Variants in IQSEC1 observed in about 807,000 individuals in gnomAD.
IQSEC1 encodes IQ motif and Sec7 domain ArfGEF 1.
In IQSEC1, 31 loss-of-function variants were observed where a neutral mutation model predicts 91.0. The ratio of observed to expected loss-of-function variants is 0.34; its 90% CI spans 0.26 to 0.46. The LOEUF is 0.46. Among genes scored for constraint, IQSEC1 ranks in the 20% least tolerant of loss-of-function variants. The probability of loss-of-function intolerance (pLI) is 1.00; values close to 1 mark genes in which losing one functional copy is unlikely to be tolerated. For synonymous variants in IQSEC1, 699 were observed against 662.6 expected, an observed-to-expected ratio of 1.05 and a Z score of -0.84; for missense variants, 1,388 against 1,575.6, an observed-to-expected ratio of 0.88 and a Z score of 2.02.
intron 2 of IQSEC1, among the ~76,000 whole-genome samples, chr3:13,134,739 G>A (rs1465794827): frequency 2.0e-5 from 3 of 152,210 alleles, no homozygotes; most frequent in South Asian, 4.1e-4. Flanking sequence ...CCCCAGCCCA[G>A]CAGCAGGGCG....
intron 1 of IQSEC1, among the ~76,000 whole-genome samples, chr3:13,016,543 C>T (rs750911214): frequency 6.6e-5 from 10 of 152,182 alleles, no homozygotes; most frequent in Non-Finnish European, 1.2e-4. Context: ...CCTGCCACCA[C>T]GGGGACTGCT....
chr3:13,222,457 C>T (rs890563897), intron 1 of IQSEC1, among the ~76,000 whole-genome samples: 1 of 152,180 alleles, frequency 6.6e-6, no homozygotes, highest in Admixed American at 6.5e-5. Context: ...TGAGGCCTTG[C>T]TTTCAATTCT....
intron 2 of IQSEC1, among the ~76,000 whole-genome samples, chr3:13,107,064 T>C (rs1486086173): frequency 6.6e-6 from 1 of 152,206 alleles, no homozygotes; most frequent in Non-Finnish European, 1.5e-5. Flanking sequence ...ACCACAAAGC[T>C]GGCAGAACCC....
At chr3:13,108,082 C>A (rs1256084140) in intron 2 of IQSEC1, among the ~76,000 whole-genome samples, 2 of 152,250 alleles carry the variant, frequency 1.3e-5, no homozygotes, top group African/African-American at 4.8e-5. Context: ...CTGGAACCCA[C>A]CAGTCTACCT....
At chr3:13,048,029 G>A (rs923866864) in intron 1 of IQSEC1, among the ~76,000 whole-genome samples, 13 of 152,128 alleles carry the variant, frequency 8.5e-5, no homozygotes, top group African/African-American at 3.1e-4. Context: ...CCAGGAGCCT[G>A]GGTCCTGCCT....
chr3:12,977,050 C>A lies in IQSEC1; in HGVS notation c.24-35185G>T, dbSNP rs75509688. Among the ~76,000 whole-genome samples the A allele has an allele frequency of 4.9e-3, 751 of 152,250 alleles. 41 individuals carry two copies. The East Asian group carries it at 0.13, about 26-fold the overall frequency. On this transcript the variant is annotated intron_variant, in intron 1 of 13. Transcript: ENST00000613206. ...CTAAAGATTTTATTTAAAAAGGAGG[C>A]GTCAGGCTGGGCACAGCAGCTCATA... is the stretch of plus-strand genomic sequence containing the variant.
At chr3:13,006,910 G>A (rs1223768035) in intron 1 of IQSEC1, among the ~76,000 whole-genome samples, 1 of 152,248 alleles carries the variant, frequency 6.6e-6, no homozygotes, top group Non-Finnish European at 1.5e-5. Context: ...GACTGGCGGA[G>A]CCCCTGCAGC....
At chr3:13,176,339 G>T (rs564919676) in intron 1 of IQSEC1, among the ~76,000 whole-genome samples, 1 of 152,164 alleles carries the variant, frequency 6.6e-6, no homozygotes, top group Non-Finnish European at 1.5e-5. Flanking sequence ...CGGTTCGGGG[G>T]TCTTTAGTAA....
At chr3:13,278,205 G>A (rs1695725495) in intron 1 of IQSEC1, among the ~76,000 whole-genome samples, 1 of 152,134 alleles carries the variant, frequency 6.6e-6, no homozygotes, top group Admixed American at 6.5e-5. Flanking sequence ...GCACTTAAGG[G>A]CTGGAGGGGA....
At chr3:12,973,535 G>C (rs1701010326) in intron 1 of IQSEC1, among the ~76,000 whole-genome samples, 1 of 152,070 alleles carries the variant, frequency 6.6e-6, no homozygotes. Context: ...TGTGTAACTG[G>C]CCTGGTTCCA....
chr3:13,016,776 A>C (rs768385711), intron 1 of IQSEC1, among the ~76,000 whole-genome samples: 4 of 152,210 alleles, frequency 2.6e-5, no homozygotes, highest in Non-Finnish European at 4.4e-5. Context: ...CACACCATAC[A>C]ACTCACCCAT....
rs1289749657 is a variant in IQSEC1, at chr3:12,909,041, T to C, written c.2578+232A>G. Among the ~76,000 whole-genome samples, 2 of 152,182 alleles carry C rather than the reference T, an allele frequency of 1.3e-5. No homozygotes were observed. The highest frequency in any genetic ancestry group is 1.5e-5 in the Non-Finnish European group (1 of 68,020). On this transcript the variant is annotated intron_variant, in intron 11 of 13. Transcript: ENST00000613206. The surrounding 1 kb of genome is among the most constrained non-coding windows in gnomAD (Gnocchi z 4.9). ...ACGGGATGACCAGAGAGCCAGGGTC[T>C]TTTGATGGACATACAACAGGCAACA...
At chr3:12,906,061 T>C (rs1190463889) in intron 12 of IQSEC1, among the ~76,000 whole-genome samples, 1 of 152,164 alleles carries the variant, frequency 6.6e-6, no homozygotes, top group Non-Finnish European at 1.5e-5. Context: ...GCTTCTGCAG[T>C]CTCCTGAGGA....
At chr3:13,161,423 C>T (rs1311326704) in intron 2 of IQSEC1, among the ~76,000 whole-genome samples, 2 of 152,188 alleles carry the variant, frequency 1.3e-5, no homozygotes, top group Non-Finnish European at 2.9e-5. Flanking sequence ...ACGCAGACCC[C>T]GCACGGACAC....
chr3:12,959,811 G>A (rs1182427801), intron 1 of IQSEC1, among the ~76,000 whole-genome samples: 1 of 152,154 alleles, frequency 6.6e-6, no homozygotes, highest in Non-Finnish European at 1.5e-5. Flanking sequence ...ACTTTTGTAC[G>A]TTGCACATTT....
chr3:12,899,659 G>A lies in IQSEC1; in HGVS notation c.*1324C>T, dbSNP rs1408593800. ...CGGTGAGGACACAGGGGTTCTGCTA[G>A]CACATGGCTACATGGAATTACGGTG... is the stretch of plus-strand genomic sequence containing the variant. On this transcript the variant is annotated 3_prime_UTR_variant, in exon 14 of 14. Transcript: ENST00000613206. 1 of 985,314 alleles carries A rather than the reference G, an allele frequency of 1.0e-6. No individual in the cohort carries two copies. Among genetic ancestry groups the A allele is most frequent in the Non-Finnish European group, 1.2e-6 (1 of 829,942 alleles). 61.0% of individuals were successfully genotyped at this position (985,314 alleles called of 1,614,324 possible).
At chr3:13,238,140 G>A (rs1399063232) in intron 1 of IQSEC1, among the ~76,000 whole-genome samples, 1 of 152,166 alleles carries the variant, frequency 6.6e-6, no homozygotes, top group Admixed American at 6.5e-5. Context: ...TGGACTATTC[G>A]CACCTCCACG....
chr3:13,237,723 C>T (rs1208853179), intron 1 of IQSEC1, among the ~76,000 whole-genome samples: 1 of 152,242 alleles, frequency 6.6e-6, no homozygotes, highest in African/African-American at 2.4e-5. Context: ...TCGGTTTCCT[C>T]CTCTGTAAAA....
intron 1 of IQSEC1, among the ~76,000 whole-genome samples, chr3:12,961,730 C>T (rs989477548): frequency 6.6e-6 from 1 of 152,218 alleles, no homozygotes; most frequent in African/African-American, 2.4e-5. Context: ...CCTAAAACAT[C>T]AGCTAAAGGA....
Sources: allele counts gnomAD v4.1 joint callset (sites outside exome capture counted in the v4.1 genomes callset), GRCh38; gene constraint gnomAD v4.1.1; non-coding constraint Gnocchi (gnomAD v3.1); transcripts MANE v1.5; gene names NCBI Gene and HGNC (gene_info 2026-07-23, HGNC 2026-07-21).